Variants in UMODL1 observed in about 807,000 individuals in gnomAD.
UMODL1 encodes uromodulin-like 1.
Under a neutral mutation model 136.3 loss-of-function variants are expected in UMODL1, and 128 were observed. The observed-to-expected ratio is 0.94, with a 90% CI of 0.81 to 1.09. UMODL1 has a LOEUF of 1.09. Among genes scored for constraint, UMODL1 ranks in the 50% least tolerant of loss-of-function variants. The probability of loss-of-function intolerance (pLI) is 0.00; values close to 1 mark genes in which losing one functional copy is unlikely to be tolerated. For missense variants in UMODL1, 1,766 were observed against 1,725.6 expected, an observed-to-expected ratio of 1.02 and a Z score of -0.41; for synonymous variants, 721 against 720.0, an observed-to-expected ratio of 1.00 and a Z score of -0.02.
In UMODL1 at chr21:42,085,856, G is replaced by C. The variant is rs962460545; in HGVS notation, c.603+444G>C. Among the ~76,000 whole-genome samples, 1 of 152,176 alleles carries C rather than the reference G, an allele frequency of 6.6e-6. No individual in the cohort carries two copies. The highest frequency in any genetic ancestry group is 2.4e-5 in the African/African-American group (1 of 41,438). On this transcript the variant is annotated intron_variant, in intron 4 of 22. Coordinates refer to ENST00000408910, the MANE Select transcript of UMODL1 (RefSeq NM_001004416.3). This position sits in a 1 kb window ranked among gnomAD's most constrained non-coding sequence, Gnocchi z 4.5. Reference sequence around the variant, plus strand: ...GGGAACCGTAGCCCAGGGCTGGAGAGCACCCTGGGGTCTGATGGTTAGCAG... The same window carrying C: ...GGGAACCGTAGCCCAGGGCTGGAGACCACCCTGGGGTCTGATGGTTAGCAG...
chr21:42,073,504 C>T (rs2066255124), intron 1 of UMODL1, among the ~76,000 whole-genome samples: 1 of 152,172 alleles, frequency 6.6e-6, no homozygotes, highest in Non-Finnish European at 1.5e-5. Context: ...GGGGTTCAGC[C>T]CCCAGAGGAA....
In UMODL1 at chr21:42,119,310, A is replaced by G; in HGVS notation, c.2675A>G (p.Asp892Gly). 1 of 1,613,948 alleles carries G rather than the reference A, an allele frequency of 6.2e-7. No homozygotes were observed. Among genetic ancestry groups the G allele is most frequent in the Non-Finnish European group, 8.5e-7 (1 of 1,180,006 alleles). Residue 892 changes from aspartate to glycine, a missense_variant, in exon 15 of 23, where the codon GAC becomes GGC. By Grantham distance (94) the Asp-to-Gly change is moderately conservative. Coordinates refer to ENST00000408910, the MANE Select transcript of UMODL1 (RefSeq NM_001004416.3). ...CCTCTGCTGGAGGTGATCAGAGGCG[A>G]CACCTTCATACAGGGTACGAGAGGC... ...TVPLLEVIRGDTFIQDYDECE... is the reference protein window; with the variant it reads ...TVPLLEVIRGGTFIQDYDECE...
intron 2 of UMODL1, among the ~76,000 whole-genome samples, chr21:42,078,880 C>T (rs1601180239): frequency 6.6e-6 from 1 of 152,242 alleles, no homozygotes; most frequent in African/African-American, 2.4e-5. Context: ...TGTCCTGATG[C>T]CTGGCCCCAT....
intron 1 of UMODL1, among the ~76,000 whole-genome samples, chr21:42,071,809 T>C (rs1490137209): frequency 6.6e-6 from 1 of 151,034 alleles, no homozygotes; most frequent in East Asian, 1.9e-4. Flanking sequence ...CCTTGGTGCA[T>C]TCAAGTCCTC....
At chr21:42,098,430 T>TA (rs140000481) in intron 6 of UMODL1, among the ~76,000 whole-genome samples, 10,268 of 152,022 alleles carry the variant, frequency 0.068, 496 homozygotes, top group African/African-American at 0.15. Context: ...AGAAGATTGA[T>TA]ACCTCTGTTT....
rs2066962472 is a variant in UMODL1 at position 42,120,983 on chromosome 21, G to A, written c.2690-104G>A. 3.5e-6 allele frequency: 5 copies of A among 1,433,600 alleles called. No individual in the cohort carries two copies. In the East Asian group the frequency reaches 7.1e-5, roughly 20 times the overall value. The allele number at this position is 1,433,600 out of a possible 1,614,324, so 88.8% of individuals were successfully genotyped here. ...TTGACTGCAGTCTGCTGTGGCTGGA[G>A]TTTCCAGCTTTGTCTGTGAGATGCA... On this transcript the variant is annotated intron_variant, in intron 15 of 22. Coordinates refer to ENST00000408910, the MANE Select transcript of UMODL1 (RefSeq NM_001004416.3).
chr21:42,126,204 A>G, intron 17 of UMODL1, 141 bp from the exon 18 acceptor site: 5 of 1,279,052 alleles, frequency 3.9e-6, no homozygotes, highest in South Asian at 1.5e-5. Context: ...TGGTTGGGAG[A>G]ATCGCCAGGA....
intron 22 of UMODL1, among the ~76,000 whole-genome samples, chr21:42,139,110 G>C (rs2067246031): frequency 3.3e-5 from 5 of 152,136 alleles, no homozygotes. Flanking sequence ...GGAGGTTGCA[G>C]TGAGCCGAGA....
At chr21:42,116,116 C>A (rs2066898394) in intron 14 of UMODL1, 131 bp downstream of exon 14, 3 of 564,036 alleles carry the variant, frequency 5.3e-6, no homozygotes, top group Non-Finnish European at 9.0e-6. Context: ...GGGCAGATTG[C>A]CTGAGCTCAG....
chr21:42,102,745 T>A (rs2066652453), intron 8 of UMODL1: 1 of 152,514 alleles, frequency 6.6e-6, no homozygotes, highest in South Asian at 2.1e-4. Flanking sequence ...GAGGGAGAAG[T>A]GACTTCCTAA....
intron 20 of UMODL1, among the ~76,000 whole-genome samples, chr21:42,128,356 A>T (rs931170476): frequency 6.6e-6 from 1 of 152,158 alleles, no homozygotes; most frequent in African/African-American, 2.4e-5. Context: ...ACTGTGCTTT[A>T]TATCACAGAC....
rs1243748108 is a variant in UMODL1, at chr21:42,088,555, C to G, written c.790+75C>G. 3.5e-6 allele frequency: 5 copies of G among 1,419,050 alleles called. No individual in the cohort carries two copies. The African/African-American group carries it at 7.1e-5, about 20-fold the overall frequency. 87.9% of individuals were successfully genotyped at this position (1,419,050 alleles called of 1,614,324 possible). ...GAACAGCCAAAATGCAAGGTGGACG[C>G]TAAAGCCAGACCAGTCCTTTGTCTT... On this transcript the variant is annotated intron_variant, in intron 5 of 22. Transcript: ENST00000408910.
rs114868134 is a variant in UMODL1, at chr21:42,071,414, T to C, written c.76+22T>C. 2,816 of 1,557,420 alleles carry C rather than the reference T, an allele frequency of 1.8e-3. 47 individuals carry two copies. In the African/African-American group the frequency reaches 0.032, roughly 18 times the overall value. The stretch of plus-strand genomic sequence containing the variant: ...ACAGGTGAGGGGTCTGGGCTTGGCA[T>C]GGGCAGTTCTTAAGGACAGGGGCTT... On this transcript the variant is annotated intron_variant, in intron 1 of 22. Coordinates refer to ENST00000408910, the MANE Select transcript of UMODL1 (RefSeq NM_001004416.3).
intron 15 of UMODL1, chr21:42,120,706 G>A: frequency 5.7e-6 from 1 of 175,242 alleles, no homozygotes; most frequent in Non-Finnish European, 1.2e-5. Flanking sequence ...ATGGCGAAAG[G>A]CAAATGGCCT....
chr21:42,067,907 G>A (rs467997), upstream of UMODL1, among the ~76,000 whole-genome samples: 29,048 of 152,218 alleles, frequency 0.19, 3,462 homozygotes, highest in Non-Finnish European at 0.26. Flanking sequence ...AAAGTCATTC[G>A]GGCTGTGATA....
At chr21:42,074,086 A>G (rs1409675145) in intron 1 of UMODL1, among the ~76,000 whole-genome samples, 1 of 152,178 alleles carries the variant, frequency 6.6e-6, no homozygotes, top group Non-Finnish European at 1.5e-5. Context: ...CGTGGCTTAA[A>G]CAGCAGAAAT....
chr21:42,126,406 T>TCCAC lies in UMODL1; in HGVS notation c.3211_3214dup (p.His1072ProfsTer16), dbSNP rs766565060. ...AACGACCTGTCCCAGGAGGGCATCA[T>TCCAC]CCACCACCTGAAGATCCTGAGCCCC... On this transcript the variant is annotated frameshift_variant, in exon 18 of 23. Transcript: ENST00000408910. LOFTEE classifies it high-confidence loss of function. 6.2e-7 allele frequency: 1 copy of TCCAC among 1,614,164 alleles called. No homozygotes were observed.
chr21:42,082,290 G>T (rs2066371122), intron 2 of UMODL1, among the ~76,000 whole-genome samples: 1 of 152,184 alleles, frequency 6.6e-6, no homozygotes, highest in Non-Finnish European at 1.5e-5. Context: ...GGACCCGAGA[G>T]GCCAGTCCCT....
At chr21:42,136,838 A>G (rs890348713) in intron 21 of UMODL1, among the ~76,000 whole-genome samples, 7 of 150,908 alleles carry the variant, frequency 4.6e-5, no homozygotes, top group African/African-American at 1.7e-4. Context: ...GCTCACTGTA[A>G]CCTCCGCCTC....
Sources: allele counts gnomAD v4.1 joint callset (sites outside exome capture counted in the v4.1 genomes callset), GRCh38; gene constraint gnomAD v4.1.1; non-coding constraint Gnocchi (gnomAD v3.1); transcripts MANE v1.5; gene names NCBI Gene and HGNC (gene_info 2026-07-23, HGNC 2026-07-21).